TRIM55: variants seen among roughly 807,000 people sequenced by gnomAD.
The protein encoded by TRIM55 is tripartite motif containing 55.
Under a neutral mutation model 60.9 loss-of-function variants are expected in TRIM55, and 50 were observed. The observed-to-expected ratio is 0.82, with a 90% CI of 0.65 to 1.04. The LOEUF is 1.04. Among genes scored for constraint, TRIM55 ranks in the 50% least tolerant of loss-of-function variants. The pLI is 0.00. For synonymous variants in TRIM55, 237 were observed against 238.1 expected, an observed-to-expected ratio of 1.00 and a Z score of 0.04; for missense variants, 681 against 666.9, an observed-to-expected ratio of 1.02 and a Z score of -0.23.
intron 2 of TRIM55, 97 bp downstream of exon 2, chr8:66,128,573 A>G (rs900897396): frequency 7.6e-7 from 1 of 1,317,502 alleles, no homozygotes; most frequent in Non-Finnish European, 1.0e-6. Flanking sequence ...TTGTTTATCA[A>G]TCACAGACTG....
chr8:66,156,227 C>A (rs1337405005), intron 9 of TRIM55, among the ~76,000 whole-genome samples: 1 of 152,160 alleles, frequency 6.6e-6, no homozygotes, highest in Non-Finnish European at 1.5e-5. Flanking sequence ...CAGGTGGGTT[C>A]TCTTTGAACC....
chr8:66,174,226 A>G (rs1811795501), intron 9 of TRIM55, among the ~76,000 whole-genome samples: 1 of 151,072 alleles, frequency 6.6e-6, no homozygotes, highest in African/African-American at 2.4e-5. Context: ...ACTTCTCTCC[A>G]CTGCATGCAT....
At chr8:66,127,551 G>T (rs992690184) in intron 1 of TRIM55, 115 bp downstream of exon 1, 1 of 1,302,758 alleles carries the variant, frequency 7.7e-7, no homozygotes, top group African/African-American at 1.5e-5. Flanking sequence ...AGGTTGCCGG[G>T]CGCTTTGGCT....
intron 4 of TRIM55, among the ~76,000 whole-genome samples, chr8:66,138,797 A>G (rs1809634287): frequency 6.6e-6 from 1 of 152,240 alleles, no homozygotes; most frequent in African/African-American, 2.4e-5. Flanking sequence ...TAGAGTTACT[A>G]TGAATAATTA....
chr8:66,165,697 A>G (rs1353350186), intron 9 of TRIM55, among the ~76,000 whole-genome samples: 2 of 152,230 alleles, frequency 1.3e-5, no homozygotes, highest in Non-Finnish European at 2.9e-5. Flanking sequence ...CTGGAATTTC[A>G]ACTTGATAAC....
At chr8:66,149,321 C>T (rs991815288) in intron 4 of TRIM55, among the ~76,000 whole-genome samples, 2 of 152,084 alleles carry the variant, frequency 1.3e-5, no homozygotes, top group Non-Finnish European at 2.9e-5. Flanking sequence ...TAACCTATAA[C>T]CTATGTAACC....
chr8:66,122,950 G>A (rs894652025), upstream of TRIM55, among the ~76,000 whole-genome samples: 37 of 152,264 alleles, frequency 2.4e-4, no homozygotes, highest in Admixed American at 2.2e-3. Flanking sequence ...CTGCAACACT[G>A]TCTCTTCTGA....
At chr8:66,120,081 A>G in the TRIM55 span, among the ~76,000 whole-genome samples, 3 of 152,200 alleles carry the variant, frequency 2.0e-5, no homozygotes, top group Admixed American at 2.0e-4. Flanking sequence ...GACTCAGGGC[A>G]ACTACTTAAC....
At chr8:66,125,718 T>G (rs1808794347), upstream of TRIM55, among the ~76,000 whole-genome samples, 1 of 152,206 alleles carries the variant, frequency 6.6e-6, no homozygotes, top group East Asian at 1.9e-4. Flanking sequence ...TAAAGATCCC[T>G]GATATGCTTA....
intron 4 of TRIM55, among the ~76,000 whole-genome samples, chr8:66,142,167 C>T (rs1809854705): frequency 6.6e-6 from 1 of 152,214 alleles, no homozygotes; most frequent in Non-Finnish European, 1.5e-5. Context: ...TGTCACCTTA[C>T]AGCCTCAGAG....
rs543501271 is a variant in TRIM55 at position 66,153,065 on chromosome 8, G to A, written c.1236+438G>A. Among the ~76,000 whole-genome samples, 3 of 152,150 alleles carry A rather than the reference G, an allele frequency of 2.0e-5. No homozygotes were observed. In the East Asian group the frequency reaches 5.8e-4, roughly 29 times the overall value. ...GGATGAGAAATAAATAGCATACAGA[G>A]TAAGAAATAAAAGTGATTATACTTT... On this transcript the variant is annotated intron_variant, in intron 8 of 9. Coordinates refer to ENST00000315962, the MANE Select transcript of TRIM55 (RefSeq NM_184085.2).
At chr8:66,133,028 A>G (rs1241911457) in intron 2 of TRIM55, among the ~76,000 whole-genome samples, 1 of 152,122 alleles carries the variant, frequency 6.6e-6, no homozygotes, top group Admixed American at 6.5e-5. Flanking sequence ...CAAGCTGCCC[A>G]CTCTTGCTTA....
chr8:66,151,127 A>G (rs561294107), intron 7 of TRIM55, among the ~76,000 whole-genome samples: 2 of 152,344 alleles, frequency 1.3e-5, no homozygotes, highest in South Asian at 2.1e-4. Flanking sequence ...AAAACAATAC[A>G]TAGGAGGCAT....
chr8:66,151,895 A>G (rs188771243), intron 7 of TRIM55, among the ~76,000 whole-genome samples: 2 of 150,776 alleles, frequency 1.3e-5, no homozygotes, highest in East Asian at 1.9e-4. Context: ...TAAATAAATA[A>G]AAGAGTCGTG....
chr8:66,114,165 A>C, the TRIM55 span, among the ~76,000 whole-genome samples: 4 of 148,854 alleles, frequency 2.7e-5, no homozygotes, highest in East Asian at 2.1e-4. Context: ...CTAAAGGAAC[A>C]GATAATAAGC....
chr8:66,148,682 A>G (rs1810236483), intron 4 of TRIM55, among the ~76,000 whole-genome samples: 1 of 152,200 alleles, frequency 6.6e-6, no homozygotes, highest in Non-Finnish European at 1.5e-5. Flanking sequence ...GAACCAGATC[A>G]TGGAGGGGTC....
At chr8:66,118,444 T>TA in the TRIM55 span, among the ~76,000 whole-genome samples, 1 of 152,128 alleles carries the variant, frequency 6.6e-6, no homozygotes, top group Non-Finnish European at 1.5e-5. Context: ...ATTAAAAATT[T>TA]AAAAATCACA....
the TRIM55 span, chr8:66,114,795 C>T: frequency 2.9e-6 from 1 of 347,524 alleles, no homozygotes; most frequent in South Asian, 2.2e-5. Context: ...TGGATAAAGT[C>T]CCTGGACACA....
intron 7 of TRIM55, among the ~76,000 whole-genome samples, chr8:66,151,902 C>T (rs112845754): frequency 4.8e-4 from 72 of 150,286 alleles, no homozygotes; most frequent in African/African-American, 1.6e-3. Flanking sequence ...ATAAAAGAGT[C>T]GTGACATTAA....
Sources: gnomAD v4.1 joint callset for allele counts (sites outside exome capture counted in the v4.1 genomes callset) on GRCh38, gnomAD v4.1.1 for gene constraint, MANE v1.5 for transcripts, NCBI Gene and HGNC (gene_info 2026-07-23, HGNC 2026-07-21) for gene names.